Variants in MEGF6 observed in about 807,000 individuals in gnomAD.
MEGF6 encodes multiple epidermal growth factor-like domains protein 6.
A neutral mutation model predicts 207.1 loss-of-function variants in MEGF6; 184 were observed. That is an observed-to-expected ratio of 0.89 (90% CI 0.79 to 1.00). The LOEUF (loss-of-function observed/expected upper bound fraction) is 1.00. Among genes scored for constraint, MEGF6 ranks in the 50% least tolerant of loss-of-function variants. The pLI, the probability that MEGF6 is intolerant of heterozygous loss-of-function variation, is 0.00. For synonymous variants in MEGF6, 1,038 were observed against 910.0 expected (o/e 1.14, Z -2.53); for missense variants, 2,282 against 2,202.9 (o/e 1.04, Z -0.72).
chr1:3,528,107 C>T lies in MEGF6; in HGVS notation c.482-3861G>A, dbSNP rs140722090. Among the ~76,000 whole-genome samples the T allele has an allele frequency of 2.4e-3, 368 of 152,346 alleles. 2 individuals are homozygous for T. Among genetic ancestry groups the T allele is most frequent in the Middle Eastern group, 0.017 (5 of 294 alleles). ...AGGATCAGCTTCTGGACACAGCGAG[C>T]CAGCTCAAGGGTGAAGGATTTGGGG... On this transcript the variant is annotated intron_variant, in intron 4 of 36. Coordinates refer to ENST00000356575, the MANE Select transcript of MEGF6 (RefSeq NM_001409.4).
intron 4 of MEGF6, among the ~76,000 whole-genome samples, chr1:3,530,813 A>G (rs1642129091): frequency 6.6e-6 from 1 of 152,176 alleles, no homozygotes; most frequent in African/African-American, 2.4e-5. Flanking sequence ...AGACAAAGTC[A>G]GGGGATGTTT....
intron 4 of MEGF6, among the ~76,000 whole-genome samples, chr1:3,551,064 G>A (rs769639120): frequency 3.9e-5 from 6 of 152,208 alleles, no homozygotes; most frequent in Non-Finnish European, 7.4e-5. Flanking sequence ...CCGGGCCCGC[G>A]TGGCCATGTG....
chr1:3,490,629 C>G (rs781366770), intron 36 of MEGF6, 40 bp from the exon 37 acceptor site: 1 of 1,602,678 alleles, frequency 6.2e-7, no homozygotes, highest in Admixed American at 1.7e-5. Flanking sequence ...CAGGGTGGGG[C>G]GGGTGCTCCC....
intron 4 of MEGF6, among the ~76,000 whole-genome samples, chr1:3,574,745 C>T (rs77066806): frequency 0.12 from 17,644 of 152,256 alleles, 1,206 homozygotes; most frequent in East Asian, 0.34. Context: ...CAGGTTCAAT[C>T]AATCCTCCTG....
chr1:3,506,303 T>A, intron 14 of MEGF6, 67 bp from the exon 15 acceptor site: 2 of 1,560,698 alleles, frequency 1.3e-6, no homozygotes. Flanking sequence ...TCCCCCCATG[T>A]GGTAGGATGC....
chr1:3,607,693 T>C (rs1644270689), intron 1 of MEGF6, among the ~76,000 whole-genome samples: 1 of 152,094 alleles, frequency 6.6e-6, no homozygotes, highest in Non-Finnish European at 1.5e-5. Context: ...AGGACCAGAG[T>C]CCCAGGCCTT....
rs753002686 is a variant in MEGF6, at chr1:3,501,259, T to C, written c.2364A>G (p.Ala788=). ...WGLGCQEICP[A]CQHAARCDPE... is the part of the protein sequence containing the mutation. ...GGTCGCAGCGGGCAGCGTGCTGGCATGCTGGGCAGATCTCCTGGCAGCCCA... is the reference window on the plus strand; with the variant it reads ...GGTCGCAGCGGGCAGCGTGCTGGCACGCTGGGCAGATCTCCTGGCAGCCCA... The change falls in exon 19 of 37, where the codon GCA becomes GCG. Residue 788 remains alanine, a synonymous_variant. Transcript: ENST00000356575. 1.3e-5 allele frequency: 21 copies of C among 1,608,916 alleles called. No individual in the cohort carries two copies. The East Asian group carries it at 4.5e-4, about 34-fold the overall frequency.
At chr1:3,514,491 C>T (rs2101078209) in intron 7 of MEGF6, 59 bp downstream of exon 7, 6 of 1,525,616 alleles carry the variant, frequency 3.9e-6, no homozygotes, top group South Asian at 2.4e-5. Flanking sequence ...GGTCCCTCCA[C>T]AGCACCTGGG....
chr1:3,612,097 G>A (rs1416616441), upstream of MEGF6, among the ~76,000 whole-genome samples: 1 of 152,220 alleles, frequency 6.6e-6, no homozygotes, highest in Non-Finnish European at 1.5e-5. Flanking sequence ...TGAGGAGGGC[G>A]TGGCCAGCCT....
rs1333722757 is a variant in MEGF6, at chr1:3,493,816, G to C, written c.4342C>G (p.Leu1448Val). The change falls in exon 34 of 37, where the codon CTC becomes GTC. Residue 1448 changes from leucine to valine, a missense_variant. Physicochemically the swap from Leu to Val is conservative, Grantham distance 32. Transcript: ENST00000356575. ...GAGCGCCCTGGTGGGCAAAGGCAGA[G>C]ACCGGTGACAGGGTCACAGGGTGCC... ...GGAPCDPVTG[L>V]CLCPPGRSGA... 8 of 1,610,416 alleles carry C rather than the reference G, an allele frequency of 5.0e-6. No homozygotes were observed. The highest frequency in any genetic ancestry group is 6.8e-6 in the Non-Finnish European group (8 of 1,178,904).
Position 3,573,944 on chromosome 1 carries a change from CA to C in MEGF6, c.481+5880del, listed in dbSNP as rs1643576940. Among the ~76,000 whole-genome samples, 1 of 152,186 alleles carries C rather than the reference CA, an allele frequency of 6.6e-6. No homozygotes were observed. Among genetic ancestry groups the C allele is most frequent in the Non-Finnish European group, 1.5e-5 (1 of 68,012 alleles). On this transcript the variant is annotated intron_variant, in intron 4 of 36. Coordinates refer to ENST00000356575, the MANE Select transcript of MEGF6 (RefSeq NM_001409.4). The surrounding 1 kb of genome is among the most constrained non-coding windows in gnomAD (Gnocchi z 5.1). ...CGCCAAGGGCTAAACGGGCTCAGGA[CA>C]CCACCCAGTCCTAGCCACCCAACCT...
intron 4 of MEGF6, among the ~76,000 whole-genome samples, chr1:3,527,282 G>A (rs1005027464): frequency 2.6e-5 from 4 of 152,214 alleles, no homozygotes; most frequent in Non-Finnish European, 5.9e-5. Flanking sequence ...CTGAGTCAAC[G>A]GATGGTACCC....
chr1:3,602,407 G>A, intron 2 of MEGF6, 59 bp downstream of exon 2: 1 of 1,609,544 alleles, frequency 6.2e-7, no homozygotes, highest in Non-Finnish European at 8.5e-7. Flanking sequence ...CTCCCGGGTG[G>A]TCAGTGCCGC....
intron 4 of MEGF6, among the ~76,000 whole-genome samples, chr1:3,529,382 C>G (rs1323956175): frequency 1.3e-5 from 2 of 152,234 alleles, no homozygotes; most frequent in South Asian, 2.1e-4. Flanking sequence ...TCCACTGTCC[C>G]TGTCCAGCCC....
At chr1:3,555,593 C>T (rs1232135698) in intron 4 of MEGF6, among the ~76,000 whole-genome samples, 2 of 152,238 alleles carry the variant, frequency 1.3e-5, no homozygotes, top group Non-Finnish European at 2.9e-5. Flanking sequence ...AGAACCAAGA[C>T]CCCTGTGGTT....
At chr1:3,571,446 C>T (rs571985689) in intron 4 of MEGF6, among the ~76,000 whole-genome samples, 1 of 152,038 alleles carries the variant, frequency 6.6e-6, no homozygotes, top group African/African-American at 2.4e-5. Flanking sequence ...ACATCCCCCC[C>T]AGACACGCTG....
Position 3,543,647 on chromosome 1 carries a change from C to T in MEGF6, c.482-19401G>A, listed in dbSNP as rs192818711. 4.5e-3 allele frequency among the ~76,000 whole-genome samples: 686 copies of T among 152,330 alleles called. 6 individuals are homozygous for T. Among genetic ancestry groups the T allele is most frequent in the African/African-American group, 0.015 (619 of 41,580 alleles). On this transcript the variant is annotated intron_variant, in intron 4 of 36. Transcript: ENST00000356575. Reference sequence around the variant, plus strand: ...CTGCTGGGAGGCAGAGTCTGTGGCCCGGTCCCTGGCCGAGATGCCGTCTAG... The same window carrying T: ...CTGCTGGGAGGCAGAGTCTGTGGCCTGGTCCCTGGCCGAGATGCCGTCTAG...
intron 26 of MEGF6, chr1:3,497,671 G>A (rs1419405744): frequency 2.4e-5 from 13 of 547,140 alleles, no homozygotes; most frequent in South Asian, 6.6e-5. Context: ...TGGCAGCCCC[G>A]CCCCATGGAA....
chr1:3,606,782 C>G (rs551237854), intron 1 of MEGF6, among the ~76,000 whole-genome samples: 1 of 152,168 alleles, frequency 6.6e-6, no homozygotes, highest in Non-Finnish European at 1.5e-5. Flanking sequence ...CATAAAAAAA[C>G]GGAAGCCGGG....
Sources: gnomAD v4.1 joint callset for allele counts (sites outside exome capture counted in the v4.1 genomes callset) on GRCh38, gnomAD v4.1.1 for gene constraint, Gnocchi (gnomAD v3.1) non-coding constraint, MANE v1.5 for transcripts, NCBI Gene and HGNC (gene_info 2026-07-23, HGNC 2026-07-21) for gene names.